The following EML4 variants were observed in gnomAD, a reference collection of about 807,000 sequenced individuals.
EML4 encodes the protein EMAP like 4, also known as echinoderm microtubule-associated protein-like 4.
In EML4, 72 loss-of-function variants were observed where a neutral mutation model predicts 129.0. The ratio of observed to expected loss-of-function variants is 0.56; its 90% CI spans 0.46 to 0.68. The LOEUF (loss-of-function observed/expected upper bound fraction) is 0.68. Ranked by LOEUF, EML4 falls within the 30% of genes least tolerant of loss-of-function variation. The pLI is 0.00. For synonymous variants in EML4, 532 were observed against 405.0 expected (o/e 1.31, Z -3.77); for missense variants, 1,363 against 1,190.6 (o/e 1.14, Z -2.13).
rs556392575 is a variant in EML4 at position 42,245,121 on chromosome 2, C to T, written c.26-384C>T. Among the ~76,000 whole-genome samples, 4 of 16,520 alleles carry T rather than the reference C, an allele frequency of 2.4e-4. No homozygotes were observed. In the South Asian group the frequency reaches 0.016, roughly 67 times the overall value. The allele number at this position is 16,520 out of a possible 152,430, so 10.8% of individuals were successfully genotyped here. A position where few individuals can be genotyped will look rare whatever the true frequency, so the allele number is the denominator to read the frequency against. Reference sequence around the variant, plus strand: ...TTTTTTTTTTTTTTTTTGAGACAGACTCTTGCTCTGTTGCCCAGACTAGAG... The same window carrying T: ...TTTTTTTTTTTTTTTTTGAGACAGATTCTTGCTCTGTTGCCCAGACTAGAG... On this transcript the variant is annotated intron_variant, in intron 1 of 22. Transcript: ENST00000318522.
chr2:42,273,377 C>T (rs1252119456), intron 6 of EML4, among the ~76,000 whole-genome samples: 2 of 152,116 alleles, frequency 1.3e-5, no homozygotes, highest in African/African-American at 4.8e-5. Context: ...TAAGCAAACT[C>T]ATGTCTGATA....
intron 1 of EML4, among the ~76,000 whole-genome samples, chr2:42,173,475 A>T (rs761754047): frequency 3.3e-5 from 5 of 152,182 alleles, no homozygotes; most frequent in Non-Finnish European, 5.9e-5. Context: ...ATGGGCTAGC[A>T]CTATGCTTGG....
At chr2:42,292,929 C>T (rs1392624160) in intron 11 of EML4, among the ~76,000 whole-genome samples, 1 of 152,044 alleles carries the variant, frequency 6.6e-6, no homozygotes, top group Non-Finnish European at 1.5e-5. Flanking sequence ...CTTTGATTAT[C>T]TTAATTTGGC....
intron 6 of EML4, among the ~76,000 whole-genome samples, chr2:42,279,553 G>C (rs569199410): frequency 1.3e-5 from 2 of 151,886 alleles, no homozygotes; most frequent in Non-Finnish European, 2.9e-5. Flanking sequence ...CACCTCCCAG[G>C]TTCACGCCAT....
At chr2:42,287,748 G>A (rs897238576) in intron 10 of EML4, among the ~76,000 whole-genome samples, 23 of 152,094 alleles carry the variant, frequency 1.5e-4, no homozygotes, top group Admixed American at 1.5e-3. Context: ...TGTAAGTCAG[G>A]TATCTCACAG....
At chr2:42,265,090 A>C (rs1665980729) in intron 6 of EML4, 1 of 830,680 alleles carries the variant, frequency 1.2e-6, no homozygotes, top group Non-Finnish European at 1.9e-6. Context: ...GAATCCAGCT[A>C]CATTTTACTT....
intron 8 of EML4, 86 bp from the exon 9 acceptor site, chr2:42,284,548 C>T: frequency 1.2e-6 from 1 of 812,596 alleles, no homozygotes; most frequent in Non-Finnish European, 1.9e-6. Flanking sequence ...CGATTAAAAA[C>T]TGCTTATTTG....
intron 6 of EML4, among the ~76,000 whole-genome samples, chr2:42,278,193 AACCTGTTGT>A (rs1666764438): frequency 6.6e-6 from 1 of 152,178 alleles, no homozygotes; most frequent in African/African-American, 2.4e-5. Flanking sequence ...AATATTATTA[AACCTGTTGT>A]ATGTAGGTCA....
At chr2:42,286,979 G>T (rs564732815) in intron 10 of EML4, among the ~76,000 whole-genome samples, 20 of 151,984 alleles carry the variant, frequency 1.3e-4, no homozygotes, top group Non-Finnish European at 2.5e-4. Flanking sequence ...TAAACATTCT[G>T]GTTTTTTCTT....
intron 1 of EML4, among the ~76,000 whole-genome samples, chr2:42,211,979 G>A (rs2104027740): frequency 6.6e-6 from 1 of 152,164 alleles, no homozygotes; most frequent in Admixed American, 6.5e-5. Context: ...CAAGTAGCTA[G>A]GACTACAGGT....
At chr2:42,258,010 C>T (rs558334635) in intron 3 of EML4, among the ~76,000 whole-genome samples, 3 of 152,146 alleles carry the variant, frequency 2.0e-5, no homozygotes, top group East Asian at 3.9e-4. Flanking sequence ...AATAAATTTC[C>T]GTGTTGTATC....
chr2:42,196,896 C>G (rs1219370588), intron 1 of EML4, among the ~76,000 whole-genome samples: 1 of 152,126 alleles, frequency 6.6e-6, no homozygotes, highest in Non-Finnish European at 1.5e-5. Flanking sequence ...GAAGGGAAGT[C>G]TCATTCTTTA....
At chr2:42,327,960 C>T (rs1264557206) in intron 21 of EML4, among the ~76,000 whole-genome samples, 2 of 152,110 alleles carry the variant, frequency 1.3e-5, no homozygotes, top group African/African-American at 4.8e-5. Flanking sequence ...GTTCTAAACA[C>T]AAGTGCTATC....
intron 17 of EML4, 140 bp downstream of exon 17, chr2:42,304,691 T>A (rs1668493824): frequency 1.5e-6 from 1 of 673,460 alleles, no homozygotes; most frequent in African/African-American, 1.8e-5. Context: ...GTTTTGTATA[T>A]TCATAGAATT....
intron 19 of EML4, among the ~76,000 whole-genome samples, chr2:42,322,918 A>G (rs1476798906): frequency 6.6e-6 from 1 of 152,170 alleles, no homozygotes; most frequent in Non-Finnish European, 1.5e-5. Context: ...TGAGTTAATA[A>G]CTTTCCTAAG....
chr2:42,286,220 T>C, intron 9 of EML4, 49 bp from the exon 10 acceptor site: 2 of 1,042,996 alleles, frequency 1.9e-6, no homozygotes, highest in Non-Finnish European at 3.0e-6. Context: ...CTATTGGTGT[T>C]TATTTGCATC....
At chr2:42,278,232 GTT>G (rs2104449965) in intron 6 of EML4, among the ~76,000 whole-genome samples, 1 of 152,266 alleles carries the variant, frequency 6.6e-6, no homozygotes, top group African/African-American at 2.4e-5. Context: ...TAGAGGCAGG[GTT>G]AAGTCGGGGT....
At chr2:42,171,925 T>C (rs1005283181) in intron 1 of EML4, among the ~76,000 whole-genome samples, 6 of 152,236 alleles carry the variant, frequency 3.9e-5, no homozygotes, top group African/African-American at 1.4e-4. Context: ...TTTGCTCAGC[T>C]CTTGCCAAAT....
At chr2:42,170,003 A>G (rs564397557) in intron 1 of EML4, 16 of 209,276 alleles carry the variant, frequency 7.6e-5, no homozygotes, top group African/African-American at 3.0e-4. Flanking sequence ...CTTCAAATCC[A>G]GGCTCCTCTT....
Sources: allele counts gnomAD v4.1 joint callset (sites outside exome capture counted in the v4.1 genomes callset), GRCh38; gene constraint gnomAD v4.1.1; transcripts MANE v1.5; gene names NCBI Gene and HGNC (gene_info 2026-07-23, HGNC 2026-07-21).